Variants in SRGAP3 observed in about 807,000 individuals in gnomAD.
The protein encoded by SRGAP3 is SLIT-ROBO Rho GTPase-activating protein 3.
A neutral mutation model predicts 121.1 loss-of-function variants in SRGAP3; 39 were observed. The observed-to-expected ratio is 0.32, with a 90% confidence interval of 0.25 to 0.42. SRGAP3 has a LOEUF of 0.42. SRGAP3 is among the 10% of genes least tolerant of loss of function. SRGAP3 has a pLI of 1.00. For synonymous variants in SRGAP3, 601 were observed against 570.0 expected, an observed-to-expected ratio of 1.05 and a Z score of -0.77; for missense variants, 1,213 against 1,470.6, an observed-to-expected ratio of 0.82 and a Z score of 2.86.
chr3:9,060,484 T>A, intron 5 of SRGAP3, 125 bp from the exon 6 acceptor site: 1 of 1,296,980 alleles, frequency 7.7e-7, no homozygotes. Flanking sequence ...GAGAGTGCAG[T>A]GGTGTGATCA....
At chr3:9,087,584 T>C (rs139418875) in intron 3 of SRGAP3, among the ~76,000 whole-genome samples, 116 of 152,246 alleles carry the variant, frequency 7.6e-4, no homozygotes, top group African/African-American at 2.7e-3. Context: ...GGAGACAGCC[T>C]TCTAGGCAGG....
intron 3 of SRGAP3, among the ~76,000 whole-genome samples, chr3:9,310,419 T>G (rs1370152077): frequency 2.6e-5 from 4 of 152,198 alleles, no homozygotes; most frequent in South Asian, 2.1e-4. Flanking sequence ...GAGGTGGATC[T>G]TGGTTACCAT....
chr3:9,106,108 A>G (rs1349182552), intron 2 of SRGAP3, among the ~76,000 whole-genome samples: 1 of 152,364 alleles, frequency 6.6e-6, no homozygotes, highest in East Asian at 1.9e-4. Flanking sequence ...ACCCATAGTT[A>G]AATTAAGGAC....
intron 2 of SRGAP3, among the ~76,000 whole-genome samples, chr3:9,326,554 G>A (rs73126626): frequency 1.3e-5 from 2 of 151,730 alleles, no homozygotes; most frequent in African/African-American, 4.8e-5. Context: ...GGAAGGATAA[G>A]GTGGCTGTCC....
chr3:9,034,568 A>G (rs774720531), intron 11 of SRGAP3: 1 of 152,274 alleles, frequency 6.6e-6, no homozygotes, highest in South Asian at 2.1e-4. Flanking sequence ...GGCAAAAACC[A>G]GGTGAATCCA....
At chr3:9,085,401 G>A (rs1359706279) in intron 3 of SRGAP3, among the ~76,000 whole-genome samples, 3 of 152,168 alleles carry the variant, frequency 2.0e-5, no homozygotes, top group Non-Finnish European at 4.4e-5. Context: ...AAGACAGTGT[G>A]GCAATTCCTC....
chr3:9,264,915 A>C (rs1256842951), intron 3 of SRGAP3, among the ~76,000 whole-genome samples: 1 of 152,252 alleles, frequency 6.6e-6, no homozygotes, highest in Non-Finnish European at 1.5e-5. Flanking sequence ...GGTATAGCCA[A>C]GACAATCCTA....
chr3:9,251,510 A>C (rs1574942590), upstream of SRGAP3, among the ~76,000 whole-genome samples: 1 of 151,958 alleles, frequency 6.6e-6, no homozygotes, highest in African/African-American at 2.4e-5. Flanking sequence ...AAAACCATAC[A>C]CCTTGGAGTA....
chr3:9,001,855 C>G (rs1484016984), intron 18 of SRGAP3, among the ~76,000 whole-genome samples: 1 of 151,914 alleles, frequency 6.6e-6, no homozygotes, highest in Non-Finnish European at 1.5e-5. Flanking sequence ...TTTGATCTAT[C>G]AAGATAAAAA....
chr3:9,123,629 C>T (rs934190396), intron 2 of SRGAP3, among the ~76,000 whole-genome samples: 2 of 151,592 alleles, frequency 1.3e-5, no homozygotes, highest in Admixed American at 6.6e-5. Context: ...CTCTTGAACC[C>T]GGGAGTTGGA....
At chr3:9,341,114 G>C (rs1049547930) in intron 1 of SRGAP3, among the ~76,000 whole-genome samples, 1 of 152,130 alleles carries the variant, frequency 6.6e-6, no homozygotes, top group Non-Finnish European at 1.5e-5. Context: ...ATGTGATTAG[G>C]ACACCACTCT....
At chr3:9,058,750 A>T (rs1560034346) in intron 6 of SRGAP3, 4 of 386,522 alleles carry the variant, frequency 1.0e-5, no homozygotes, top group South Asian at 2.5e-5. Flanking sequence ...GACGGAGTCT[A>T]GCTCTGTCAC....
intron 15 of SRGAP3, chr3:9,014,406 G>C (rs940752750): frequency 1.2e-5 from 2 of 162,376 alleles, no homozygotes; most frequent in African/African-American, 4.8e-5. Context: ...CTGACACATA[G>C]TGGTTGCTCA....
At chr3:9,074,120 C>A (rs1388673010) in intron 4 of SRGAP3, among the ~76,000 whole-genome samples, 5 of 152,046 alleles carry the variant, frequency 3.3e-5, no homozygotes, top group Non-Finnish European at 7.4e-5. Context: ...GAGAGCAGGC[C>A]CGGAGAATGG....
At chr3:9,083,541 T>A (rs941525043) in intron 3 of SRGAP3, among the ~76,000 whole-genome samples, 1 of 152,246 alleles carries the variant, frequency 6.6e-6, no homozygotes, top group Non-Finnish European at 1.5e-5. Flanking sequence ...TTTTCCATCA[T>A]GTAACTTTTA....
At position 9,282,200 on chromosome 3, in the gene SRGAP3, T is replaced by C. The variant is rs535286223; in HGVS notation, n.442+43810A>G. ...TTATTGAAGACTCCCAAAAAGATTT[T>C]GTTTATGAGGTTTTATCTATCAATA... On this transcript the variant is annotated intron_variant and non_coding_transcript_variant, in intron 3 of 3. Coordinates refer to the SRGAP3 transcript ENST00000490889. Among the ~76,000 whole-genome samples, 73 of 151,864 alleles carry C rather than the reference T, an allele frequency of 4.8e-4. 1 individual carries two copies. The highest frequency in any genetic ancestry group is 1.6e-3 in the African/African-American group (67 of 41,126).
chr3:9,058,738 G>A, intron 6 of SRGAP3: 1 of 304,624 alleles, frequency 3.3e-6, no homozygotes, highest in Non-Finnish European at 5.8e-6. Context: ...TTTTTTTTTT[G>A]AGACGGAGTC....
At chr3:9,048,689 G>A (rs1443820589) in intron 9 of SRGAP3, among the ~76,000 whole-genome samples, 1 of 152,050 alleles carries the variant, frequency 6.6e-6, no homozygotes, top group Non-Finnish European at 1.5e-5. Flanking sequence ...GCTAGGCCTG[G>A]GGGTGTGTGC....
chr3:9,279,116 A>T (rs1401757344), intron 3 of SRGAP3, among the ~76,000 whole-genome samples: 1 of 152,158 alleles, frequency 6.6e-6, no homozygotes, highest in East Asian at 1.9e-4. Context: ...GGGAAAAAAA[A>T]AGGGGGGGAT....
Sources: gnomAD v4.1 joint callset for allele counts (sites outside exome capture counted in the v4.1 genomes callset) on GRCh38, gnomAD v4.1.1 for gene constraint, MANE v1.5 for transcripts, NCBI Gene and HGNC (gene_info 2026-07-23, HGNC 2026-07-21) for gene names.